The following SLC25A21 variants were observed in gnomAD, a reference collection of about 807,000 sequenced individuals.
SLC25A21 encodes solute carrier family 25 member 21.
SLC25A21 carries 47 observed loss-of-function variants against 43.8 expected under a neutral mutation model. The ratio of observed to expected loss-of-function variants is 1.07; its 90% CI spans 0.85 to 1.37. SLC25A21 has a LOEUF of 1.37. Among genes scored for constraint, SLC25A21 ranks in the 40% most tolerant of loss-of-function variants. SLC25A21 has a pLI of 0.00. For missense variants in SLC25A21, 352 were observed against 350.2 expected, an observed-to-expected ratio of 1.00 and a Z score of -0.04; for synonymous variants, 131 against 121.3, an observed-to-expected ratio of 1.08 and a Z score of -0.52.
chr14:36,879,606 C>T (rs1890650043), intron 1 of SLC25A21, among the ~76,000 whole-genome samples: 1 of 152,048 alleles, frequency 6.6e-6, no homozygotes. Context: ...TGGGATAGCC[C>T]CTGGATGCCC....
chr14:37,066,579 C>T (rs1962065235), intron 1 of SLC25A21, among the ~76,000 whole-genome samples: 1 of 152,030 alleles, frequency 6.6e-6, no homozygotes, highest in Non-Finnish European at 1.5e-5. Flanking sequence ...ATGAAAATAT[C>T]CTTACTCTTC....
At chr14:36,972,903 G>C (rs2138688570) in intron 1 of SLC25A21, among the ~76,000 whole-genome samples, 1 of 152,194 alleles carries the variant, frequency 6.6e-6, no homozygotes, top group South Asian at 2.1e-4. Context: ...CACAATCATG[G>C]CTCACTGCAG....
At chr14:36,979,882 T>A (rs1159372414) in intron 1 of SLC25A21, among the ~76,000 whole-genome samples, 2 of 152,126 alleles carry the variant, frequency 1.3e-5, no homozygotes, top group East Asian at 3.9e-4. Flanking sequence ...ATCCAGCAAT[T>A]TGTAAGACCA....
intron 1 of SLC25A21, among the ~76,000 whole-genome samples, chr14:36,911,383 C>T (rs868360755): frequency 3.3e-5 from 5 of 152,128 alleles, no homozygotes; most frequent in Non-Finnish European, 7.3e-5. Context: ...TAAAGGGCAG[C>T]GTTCGGATCC....
intron 3 of SLC25A21, among the ~76,000 whole-genome samples, chr14:36,756,632 CT>C (rs1197749330): frequency 2.0e-5 from 3 of 152,306 alleles, no homozygotes; most frequent in South Asian, 2.1e-4. Flanking sequence ...AGAAATGCTT[CT>C]TTTTGAAGCT....
intron 3 of SLC25A21, among the ~76,000 whole-genome samples, chr14:36,803,963 T>C (rs1034987578): frequency 1.3e-5 from 2 of 152,200 alleles, no homozygotes; most frequent in Non-Finnish European, 2.9e-5. Flanking sequence ...TAACTACTCT[T>C]TGGAGATGAT....
intron 1 of SLC25A21, among the ~76,000 whole-genome samples, chr14:37,139,991 A>G (rs927525759): frequency 2.0e-5 from 3 of 152,234 alleles, no homozygotes; most frequent in Non-Finnish European, 4.4e-5. Context: ...ATAAAATTAA[A>G]GCATCACTGA....
chr14:36,984,733 T>C (rs1043593535), intron 1 of SLC25A21, among the ~76,000 whole-genome samples: 13 of 152,082 alleles, frequency 8.5e-5, no homozygotes, highest in African/African-American at 2.7e-4. Context: ...ACTGAAAGAA[T>C]ACAAAGAACT....
At chr14:37,045,723 C>A (rs981388328) in intron 1 of SLC25A21, among the ~76,000 whole-genome samples, 2 of 152,188 alleles carry the variant, frequency 1.3e-5, no homozygotes, top group African/African-American at 4.8e-5. Flanking sequence ...GGGTCTAGCA[C>A]CTGACAAGGA....
intron 2 of SLC25A21, among the ~76,000 whole-genome samples, chr14:36,866,692 T>C (rs1890223045): frequency 6.6e-6 from 1 of 152,212 alleles, no homozygotes; most frequent in African/African-American, 2.4e-5. Context: ...CCTTTTCACA[T>C]TGCATTCTAG....
intron 1 of SLC25A21, among the ~76,000 whole-genome samples, chr14:36,997,449 A>T (rs1211465732): frequency 6.6e-6 from 1 of 152,222 alleles, no homozygotes; most frequent in Non-Finnish European, 1.5e-5. Context: ...AATAACTGTT[A>T]GTTAAGAATA....
intron 6 of SLC25A21, among the ~76,000 whole-genome samples, chr14:36,716,728 T>C (rs1884153304): frequency 6.6e-6 from 1 of 152,110 alleles, no homozygotes; most frequent in African/African-American, 2.4e-5. Flanking sequence ...CTACTGACGA[T>C]ACCTGGCTCT....
intron 1 of SLC25A21, among the ~76,000 whole-genome samples, chr14:37,099,190 T>C (rs1010965682): frequency 2.0e-5 from 3 of 152,148 alleles, no homozygotes; most frequent in Admixed American, 2.0e-4. Flanking sequence ...GCCAAGAGCA[T>C]ATAAAATCCT....
chr14:36,836,484 T>C (rs1889213708), intron 2 of SLC25A21, among the ~76,000 whole-genome samples: 1 of 152,198 alleles, frequency 6.6e-6, no homozygotes, highest in Admixed American at 6.5e-5. Flanking sequence ...GTCTTTACAT[T>C]TCAGGTATAT....
intron 1 of SLC25A21, among the ~76,000 whole-genome samples, chr14:37,048,970 G>T (rs1195194968): frequency 6.6e-6 from 1 of 152,136 alleles, no homozygotes; most frequent in Non-Finnish European, 1.5e-5. Context: ...CCTGTGGGGG[G>T]TTTGCTTTTG....
chr14:37,111,839 T>C (rs888761855), intron 1 of SLC25A21, among the ~76,000 whole-genome samples: 7 of 152,220 alleles, frequency 4.6e-5, no homozygotes, highest in African/African-American at 1.7e-4. Context: ...GTTGAATTTG[T>C]AGACAGCCTA....
chr14:36,700,083 C>A (rs531653833), intron 7 of SLC25A21, among the ~76,000 whole-genome samples: 4 of 152,244 alleles, frequency 2.6e-5, no homozygotes, highest in African/African-American at 7.2e-5. Context: ...TCTTGGAACA[C>A]CCCACCAAGT....
rs558829073 is a variant in SLC25A21 at position 37,086,024 on chromosome 14, G to A, written c.70+86257C>T. On this transcript the variant is annotated intron_variant, in intron 1 of 9. Transcript: ENST00000331299. Reference sequence around the variant, plus strand: ...GGAGGCTGAGGCAGGAGAATGGCGCGAACCCAGGAGGCGGAGCTTGCAGTG... The same window carrying A: ...GGAGGCTGAGGCAGGAGAATGGCGCAAACCCAGGAGGCGGAGCTTGCAGTG... Among the ~76,000 whole-genome samples the A allele has an allele frequency of 3.5e-3, 530 of 152,158 alleles. 3 individuals are homozygous for A. The highest frequency in any genetic ancestry group is 0.012 in the African/African-American group (502 of 41,528).
intron 1 of SLC25A21, among the ~76,000 whole-genome samples, chr14:36,892,554 T>C (rs1891100822): frequency 6.6e-6 from 1 of 152,150 alleles, no homozygotes; most frequent in Non-Finnish European, 1.5e-5. Context: ...ATCTCACTTT[T>C]TTTTTTATTA....
Sources: allele counts gnomAD v4.1 joint callset (sites outside exome capture counted in the v4.1 genomes callset), GRCh38; gene constraint gnomAD v4.1.1; transcripts MANE v1.5; gene names NCBI Gene and HGNC (gene_info 2026-07-23, HGNC 2026-07-21).